Variants in PLXNC1 observed in about 807,000 individuals in gnomAD.
PLXNC1 encodes the protein plexin-C1.
A neutral mutation model predicts 178.2 loss-of-function variants in PLXNC1; 75 were observed. The observed-to-expected ratio is 0.42, with a 90% confidence interval of 0.35 to 0.51. The LOEUF is 0.51. PLXNC1 is among the 20% of genes least tolerant of loss of function. The pLI, the probability that PLXNC1 is intolerant of heterozygous loss-of-function variation, is 0.02. For synonymous variants in PLXNC1, 790 were observed against 779.9 expected, an observed-to-expected ratio of 1.01 and a Z score of -0.22; for missense variants, 1,503 against 1,984.4, an observed-to-expected ratio of 0.76 and a Z score of 4.61.
chr12:94,215,203 G>A (rs1963608950), intron 5 of PLXNC1, among the ~76,000 whole-genome samples: 2 of 151,968 alleles, frequency 1.3e-5, no homozygotes, highest in African/African-American at 2.4e-5. Context: ...CAGCCTTAAG[G>A]CTATTTATAA....
chr12:94,247,308 TTG>T (rs1565828766), intron 12 of PLXNC1, among the ~76,000 whole-genome samples: 1 of 152,172 alleles, frequency 6.6e-6, no homozygotes, highest in East Asian at 1.9e-4. Context: ...GGGAGATGCA[TTG>T]TTCCTTTTAC....
intron 15 of PLXNC1, among the ~76,000 whole-genome samples, chr12:94,253,211 GAAAAAAAAAAAAAA>G (rs35584186): frequency 7.1e-5 from 3 of 42,024 alleles, no homozygotes; most frequent in East Asian, 1.9e-3. Flanking sequence ...CTCCGTCTCA[GAAAAAAAAAAAAAA>G]AAAAAAAAAA....
Position 94,149,991 on chromosome 12 carries a change from C to T in PLXNC1, c.1020C>T (p.Ala340=). ...LFRMSEIQAR[A]KRVSWDFKTA... ...GAATGAGTGAGATCCAGGCGCGCGC[C>T]AAGAGGGTCAGCTGGGACTTCAAGA... is the stretch of plus-strand genomic sequence containing the variant. Residue 340 remains alanine, a synonymous_variant, in exon 1 of 31, where the codon GCC becomes GCT. Coordinates refer to ENST00000258526, the MANE Select transcript of PLXNC1 (RefSeq NM_005761.3). The T allele has an allele frequency of 6.3e-7, 1 of 1,596,050 alleles. No homozygotes were observed. Among genetic ancestry groups the T allele is most frequent in the Non-Finnish European group, 8.5e-7 (1 of 1,172,614 alleles).
chr12:94,150,419 C>T (rs1172605625), intron 1 of PLXNC1, among the ~76,000 whole-genome samples: 1 of 152,218 alleles, frequency 6.6e-6, no homozygotes, highest in Non-Finnish European at 1.5e-5. Context: ...TCCGTGTAGT[C>T]CCAGCAGGCG....
chr12:94,182,915 T>A (rs1456564100), intron 3 of PLXNC1, among the ~76,000 whole-genome samples: 1 of 145,120 alleles, frequency 6.9e-6, no homozygotes, highest in Non-Finnish European at 1.5e-5. Context: ...ATCATCTATC[T>A]ATCTATCTAT....
At position 94,226,709 on chromosome 12, in the gene PLXNC1, T is replaced by C; in HGVS notation, c.1893+2T>C. ...CCTTCTGATTATGAGAGAAACCAGG[T>C]AAAGTGACATTTTTGGTATTGTAAG... On this transcript the variant is annotated splice_donor_variant, in intron 8 of 30. Coordinates refer to ENST00000258526, the MANE Select transcript of PLXNC1 (RefSeq NM_005761.3). LOFTEE classifies it high-confidence loss of function. 1 of 1,600,478 alleles carries C rather than the reference T, an allele frequency of 6.2e-7. No homozygotes were observed. The highest frequency in any genetic ancestry group is 8.6e-7 in the Non-Finnish European group (1 of 1,167,860).
intron 4 of PLXNC1, among the ~76,000 whole-genome samples, chr12:94,201,682 A>G (rs1963121453): frequency 2.0e-5 from 3 of 147,876 alleles, no homozygotes; most frequent in Non-Finnish European, 3.0e-5. Context: ...TGCAGAGACC[A>G]TGCTTTAAGT....
intron 4 of PLXNC1, among the ~76,000 whole-genome samples, chr12:94,196,655 G>C (rs1020346722): frequency 6.6e-6 from 1 of 152,218 alleles, no homozygotes; most frequent in Admixed American, 6.5e-5. Context: ...GGATGTGACT[G>C]TTCCTCATTC....
Position 94,149,938 on chromosome 12 carries a change from CCCA to C in PLXNC1, c.975_977del (p.Thr326del), listed in dbSNP as rs1960888289. On this transcript the variant is annotated inframe_deletion, in exon 1 of 31. Coordinates refer to ENST00000258526, the MANE Select transcript of PLXNC1 (RefSeq NM_005761.3). ...TGGAGAGGGCCAGGAGCGGCGCTCC[CCCA>C]CCACCACGGCGCTCTGCCTCTTCAG... 6.3e-7 allele frequency: 1 copy of C among 1,586,704 alleles called. No individual in the cohort carries two copies. The highest frequency in any genetic ancestry group is 1.8e-5 in the Admixed American group (1 of 56,318).
chr12:94,297,195 A>G lies in PLXNC1; in HGVS notation c.3941A>G (p.Glu1314Gly). ...CTCTTTCTCTGGCATTCAGATGTGG[A>G]GTACTCGGATGACCACTGCCATTTG... ...KKIANFTSDVEYSDDHCHLIL... is the reference protein window; with the variant it reads ...KKIANFTSDVGYSDDHCHLIL... Residue 1314 changes from glutamate (E) to glycine (G), a missense_variant, in exon 25 of 31, where the codon GAG (glutamate) becomes GGG (glycine). Physicochemically the swap from Glu to Gly is moderately conservative, Grantham distance 98. Coordinates refer to ENST00000258526, the MANE Select transcript of PLXNC1 (RefSeq NM_005761.3). 1 of 1,613,946 alleles carries G rather than the reference A, an allele frequency of 6.2e-7. No homozygotes were observed. The highest frequency in any genetic ancestry group is 1.1e-5 in the South Asian group (1 of 91,074).
At chr12:94,219,948 A>G (rs185289681) in intron 5 of PLXNC1, 68 bp from the exon 6 acceptor site, 3 of 1,477,728 alleles carry the variant, frequency 2.0e-6, no homozygotes, top group African/African-American at 1.4e-5. Context: ...GTGAGATCAT[A>G]TGAGGCTCTA....
intron 3 of PLXNC1, among the ~76,000 whole-genome samples, chr12:94,182,579 G>T (rs187951837): frequency 1.3e-5 from 2 of 151,860 alleles, no homozygotes; most frequent in African/African-American, 4.8e-5. Context: ...CAAACAATTA[G>T]CTGGGCGTGG....
At chr12:94,295,700 G>A (rs1967846760) in intron 24 of PLXNC1, among the ~76,000 whole-genome samples, 1 of 152,134 alleles carries the variant, frequency 6.6e-6, no homozygotes, top group Admixed American at 6.6e-5. Flanking sequence ...CAGCTAGGGA[G>A]CCACAGAAGA....
chr12:94,274,861 G>T (rs919893190), intron 21 of PLXNC1, among the ~76,000 whole-genome samples: 4 of 152,182 alleles, frequency 2.6e-5, no homozygotes, highest in African/African-American at 7.2e-5. Flanking sequence ...ATGAGTAAAA[G>T]AATCTACCTC....
In PLXNC1 at chr12:94,254,648, T is replaced by C; in HGVS notation, c.2882-139T>C. On this transcript the variant is annotated intron_variant, in intron 15 of 30. Transcript: ENST00000258526. ...CCAGCTTTTTAATGCTATTTTCTAGTTTCATTCTAGCTCCTGCTCTCTGTC... is the reference window on the plus strand; with the variant it reads ...CCAGCTTTTTAATGCTATTTTCTAGCTTCATTCTAGCTCCTGCTCTCTGTC... 3 of 725,174 alleles carry C rather than the reference T, an allele frequency of 4.1e-6. No homozygotes were observed. The East Asian group carries it at 8.1e-5, about 19-fold the overall frequency. The allele number at this position is 725,174 out of a possible 1,614,324, so 44.9% of individuals were successfully genotyped here.
At position 94,269,407 on chromosome 12, in the gene PLXNC1, C is replaced by T. The variant is rs983680990; in HGVS notation, c.3597+4182C>T. Among the ~76,000 whole-genome samples, 3 of 152,344 alleles carry T rather than the reference C, an allele frequency of 2.0e-5. No homozygotes were observed. The East Asian group carries it at 5.8e-4, about 29-fold the overall frequency. On this transcript the variant is annotated intron_variant, in intron 21 of 30. Transcript: ENST00000258526. ...AGCCTACCCCAGTCTGTCTCTTTCT[C>T]TAGCAGTTACCATTTTGGGACAATT...
At chr12:94,224,835 A>G (rs1318569010) in intron 7 of PLXNC1, among the ~76,000 whole-genome samples, 2 of 152,128 alleles carry the variant, frequency 1.3e-5, no homozygotes, top group East Asian at 1.9e-4. Context: ...TGAGCCTAGG[A>G]GATGGAGGTT....
chr12:94,269,790 C>T (rs932404239), intron 21 of PLXNC1, among the ~76,000 whole-genome samples: 1 of 152,140 alleles, frequency 6.6e-6, no homozygotes, highest in Admixed American at 6.5e-5. Context: ...TTATGACTTG[C>T]AATAGTACTG....
intron 1 of PLXNC1, among the ~76,000 whole-genome samples, chr12:94,165,707 T>A (rs1961583822): frequency 6.6e-6 from 1 of 152,040 alleles, no homozygotes; most frequent in Non-Finnish European, 1.5e-5. Context: ...CTTAGTAAAA[T>A]GTTTAAAAGT....
Sources: gnomAD v4.1 joint callset for allele counts (sites outside exome capture counted in the v4.1 genomes callset) on GRCh38, gnomAD v4.1.1 for gene constraint, MANE v1.5 for transcripts, NCBI Gene and HGNC (gene_info 2026-07-23, HGNC 2026-07-21) for gene names.